Variants in SYN1 observed in about 807,000 individuals in gnomAD.
SYN1 encodes synapsin I, also known as synapsin-1.
SYN1 carries 8 observed loss-of-function variants against 44.6 expected under a neutral mutation model. The ratio of observed to expected loss-of-function variants is 0.18; its 90% CI spans 0.11 to 0.32. The LOEUF (loss-of-function observed/expected upper bound fraction) is 0.32, where lower values mean the gene tolerates loss of function less well. Ranked by LOEUF, SYN1 falls within the 10% of genes least tolerant of loss-of-function variation. The probability of loss-of-function intolerance (pLI) is 1.00; values close to 1 mark genes in which losing one functional copy is unlikely to be tolerated. For synonymous variants in SYN1, 275 were observed against 280.1 expected, an observed-to-expected ratio of 0.98 and a Z score of 0.18; for missense variants, 451 against 639.4, an observed-to-expected ratio of 0.71 and a Z score of 3.18.
chrX:47,586,034 C>T (rs1823187631), intron 5 of SYN1: 1 of 976,822 alleles, frequency 1.0e-6, no homozygotes, highest in African/African-American at 2.0e-5. Context: ...CTGACCCTTC[C>T]TCAGCACATC....
At chrX:47,612,445 C>A (rs1479567970) in intron 1 of SYN1, among the ~76,000 whole-genome samples, 1 of 111,270 alleles carries the variant, frequency 9.0e-6, no homozygotes, top group Non-Finnish European at 1.9e-5. Flanking sequence ...ATCCCCATGT[C>A]TTCCACACTG....
intron 5 of SYN1, among the ~76,000 whole-genome samples, chrX:47,578,876 AC>A (rs906399244): frequency 4.6e-5 from 5 of 109,251 alleles, no homozygotes; most frequent in East Asian, 2.9e-4. Context: ...CCCTCTGCAC[AC>A]CCCCCCTTCC....
intron 5 of SYN1, chrX:47,584,810 C>T: frequency 1.9e-6 from 1 of 528,121 alleles, no homozygotes; most frequent in Non-Finnish European, 3.1e-6. Context: ...ACTTTGTGTG[C>T]TGTCTGGCAT....
intron 1 of SYN1, among the ~76,000 whole-genome samples, chrX:47,611,534 A>G (rs2057916722): frequency 8.9e-6 from 1 of 112,318 alleles, no homozygotes; most frequent in Non-Finnish European, 1.9e-5. Flanking sequence ...AGGATCAGAA[A>G]CAGTTTACAC....
At chrX:47,616,874 C>A (rs1388908198) in intron 1 of SYN1, among the ~76,000 whole-genome samples, 4 of 110,604 alleles carry the variant, frequency 3.6e-5, no homozygotes, top group African/African-American at 1.3e-4. Context: ...GTGTAAAAGG[C>A]AGGATGGAGA....
chrX:47,588,145 C>A (rs994548562), intron 5 of SYN1, among the ~76,000 whole-genome samples: 1 of 112,615 alleles, frequency 8.9e-6, no homozygotes, highest in Non-Finnish European at 1.9e-5. Context: ...GCAGGGAATG[C>A]GCATGCAGCA....
At chrX:47,582,302 C>A in intron 5 of SYN1, 1 of 135,169 alleles carries the variant, frequency 7.4e-6, no homozygotes, top group Non-Finnish European at 1.5e-5. Context: ...TTCGTCGGCC[C>A]GCCCCTTGGC....
intron 5 of SYN1, 88 bp downstream of exon 5, chrX:47,604,890 T>C (rs2057891544): frequency 2.5e-5 from 22 of 867,348 alleles, no homozygotes; most frequent in Non-Finnish European, 3.5e-5. Flanking sequence ...ACTCTTGATA[T>C]CGCACTGCTG....
rs766925503 is a variant in SYN1 at position 47,587,830 on chromosome X, C to T, written c.775-10329G>A. Among the ~76,000 whole-genome samples the T allele has an allele frequency of 2.0e-3, 218 of 111,727 alleles. 1 individual carries two copies. The highest frequency in any genetic ancestry group is 6.6e-3 in the African/African-American group (204 of 30,687). ...GGCCCTTGGGAACTAGAATTTCAGA[C>T]TGGTGCAAACATTCAATGGAGCACC... On this transcript the variant is annotated intron_variant, in intron 5 of 12. Coordinates refer to ENST00000295987, the MANE Select transcript of SYN1 (RefSeq NM_006950.3).
chrX:47,578,000 G>A (rs1026715084), intron 5 of SYN1, among the ~76,000 whole-genome samples: 1 of 110,159 alleles, frequency 9.1e-6, no homozygotes, highest in African/African-American at 3.3e-5. Context: ...GATGTACATC[G>A]CCAAACCCAG....
At chrX:47,585,449 A>T in intron 5 of SYN1, 1 of 1,193,167 alleles carries the variant, frequency 8.4e-7, no homozygotes, top group Non-Finnish European at 1.1e-6. Flanking sequence ...GGACCACCCC[A>T]ATTTCAGTCT....
intron 1 of SYN1, among the ~76,000 whole-genome samples, chrX:47,607,727 G>GAAAAAAAAA (rs5902397): frequency 1.5e-4 from 8 of 51,735 alleles, no homozygotes; most frequent in Non-Finnish European, 1.7e-4. Flanking sequence ...AAAAAAAATT[G>GAAAAAAAAA]AAAAAAAAAA....
chrX:47,580,007 T>C (rs984708151), intron 5 of SYN1, among the ~76,000 whole-genome samples: 1 of 109,606 alleles, frequency 9.1e-6, no homozygotes, highest in Admixed American at 9.7e-5. Flanking sequence ...AATAAGTTAG[T>C]TATTTTGGGA....
At chrX:47,594,734 T>TC (rs777681043) in intron 5 of SYN1, among the ~76,000 whole-genome samples, 13 of 105,892 alleles carry the variant, frequency 1.2e-4, no homozygotes, top group Non-Finnish European at 2.2e-4. Flanking sequence ...CTTTTCTTTT[T>TC]TTTTTTTTTT....
intron 1 of SYN1, among the ~76,000 whole-genome samples, chrX:47,609,251 T>C (rs765232542): frequency 8.9e-6 from 1 of 112,336 alleles, no homozygotes; most frequent in East Asian, 2.8e-4. Context: ...TGACAGCTCA[T>C]GGCTGTGTCC....
Position 47,576,171 on chromosome X carries a change from T to C in SYN1, c.1118A>G (p.Glu373Gly). The change falls in exon 9 of 13, where the codon GAA becomes GGA. Residue 373 changes from glutamate (E) to glycine (G), a missense_variant. By Grantham distance (98) the Glu-to-Gly change is moderately conservative. Coordinates refer to ENST00000295987, the MANE Select transcript of SYN1 (RefSeq NM_006950.3). ...CCTTCCGTCCTTGCCATGTAGCGCT[T>C]CCACTGCGCAGATGTCCAGTCCCCC... The part of the protein sequence containing the change: ...IFGGLDICAV[E>G]ALHGKDGRDH... 1 of 1,204,724 alleles carries C rather than the reference T, an allele frequency of 8.3e-7. No homozygotes were observed. Among genetic ancestry groups the C allele is most frequent in the East Asian group, 3.0e-5 (1 of 33,533 alleles).
intron 5 of SYN1, 52 bp from the exon 6 acceptor site, chrX:47,577,553 C>T: frequency 8.9e-7 from 1 of 1,118,765 alleles, no homozygotes; most frequent in Non-Finnish European, 1.2e-6. Flanking sequence ...GGGTGACCTC[C>T]AGGGGTGGGG....
At position 47,608,275 on chromosome X, in the gene SYN1, G is replaced by GAAGA. The variant is rs1569331325; in HGVS notation, c.378-1078_378-1077insTCTT. 3.3e-4 allele frequency among the ~76,000 whole-genome samples: 3 copies of GAAGA among 9,091 alleles called. No homozygotes were observed. The East Asian group carries it at 0.019, about 59-fold the overall frequency. The allele number at this position is 9,091 out of a possible 115,157, so 7.9% of individuals were successfully genotyped here. On this transcript the variant is annotated intron_variant, in intron 1 of 12. Coordinates refer to ENST00000295987, the MANE Select transcript of SYN1 (RefSeq NM_006950.3). ...GGAAGGAAGGAAGGAAGGAAGGAAG[G>GAAGA]AAGGAAGGAAGGAAGGGGAAGGAAG... is the stretch of plus-strand genomic sequence containing the variant.
At chrX:47,579,993 G>T (rs1468030916) in intron 5 of SYN1, among the ~76,000 whole-genome samples, 7 of 108,888 alleles carry the variant, frequency 6.4e-5, no homozygotes, top group Non-Finnish European at 1.3e-4. Context: ...GGGATATTGT[G>T]AGAAATAAGT....
Sources: gnomAD v4.1 joint callset for allele counts (sites outside exome capture counted in the v4.1 genomes callset) on GRCh38, gnomAD v4.1.1 for gene constraint, MANE v1.5 for transcripts, NCBI Gene and HGNC (gene_info 2026-07-23, HGNC 2026-07-21) for gene names.